The following PHACTR3 variants were observed in gnomAD, a reference collection of about 807,000 sequenced individuals.
PHACTR3 encodes the protein phosphatase and actin regulator 3, also known as protein phosphatase 1, regulatory subunit 123.
PHACTR3 carries 16 observed loss-of-function variants against 66.8 expected under a neutral mutation model. The ratio of observed to expected loss-of-function variants is 0.24; its 90% CI spans 0.16 to 0.36. The LOEUF (loss-of-function observed/expected upper bound fraction) is 0.36. PHACTR3 is among the 10% of genes least tolerant of loss of function. The probability of loss-of-function intolerance (pLI) is 1.00; values close to 1 mark genes in which losing one functional copy is unlikely to be tolerated. For synonymous variants in PHACTR3, 323 were observed against 292.1 expected (o/e 1.11, Z -1.08); for missense variants, 647 against 719.9 (o/e 0.90, Z 1.16).
Position 59,836,130 on chromosome 20 carries a change from C to T in PHACTR3, c.1329-375C>T, listed in dbSNP as rs547983728. The T allele has an allele frequency of 8.3e-5, 14 of 169,078 alleles. No homozygotes were observed. The East Asian group carries it at 2.4e-3, about 29-fold the overall frequency. 10.5% of individuals were successfully genotyped at this position (169,078 alleles called of 1,614,324 possible). A position where few individuals can be genotyped will look rare whatever the true frequency, so the allele number is the denominator to read the frequency against. On this transcript the variant is annotated intron_variant, in intron 8 of 12. Transcript: ENST00000371015. Reference sequence around the variant, plus strand: ...CTGAAAACAGGTGGTGCTACCCACCCCTCCCTAAGCCAATGGGCAGGAAAA... The same window carrying T: ...CTGAAAACAGGTGGTGCTACCCACCTCTCCCTAAGCCAATGGGCAGGAAAA...
chr20:59,697,918 C>T (rs1039023374), intron 1 of PHACTR3, among the ~76,000 whole-genome samples: 4 of 152,176 alleles, frequency 2.6e-5, no homozygotes, highest in Non-Finnish European at 5.9e-5. Flanking sequence ...TCTTACAAGT[C>T]TCAGATATAA....
chr20:59,807,353 A>G (rs1005748785), intron 8 of PHACTR3, among the ~76,000 whole-genome samples: 2 of 152,230 alleles, frequency 1.3e-5, no homozygotes, highest in African/African-American at 4.8e-5. Flanking sequence ...GGTCAGAACC[A>G]TCAATCACTG....
intron 1 of PHACTR3, among the ~76,000 whole-genome samples, chr20:59,679,957 G>T (rs191820235): frequency 1.7e-3 from 253 of 152,198 alleles, no homozygotes; most frequent in Non-Finnish European, 2.9e-3. Flanking sequence ...TCAGGCACAC[G>T]CATCGCTTTA....
At chr20:59,590,988 AT>A (rs1243552024) in intron 1 of PHACTR3, among the ~76,000 whole-genome samples, 2 of 152,314 alleles carry the variant, frequency 1.3e-5, no homozygotes, top group Non-Finnish European at 2.9e-5. Flanking sequence ...ATTTATTTTA[AT>A]GTTAAATGAA....
At chr20:59,648,215 A>G (rs2035348631) in intron 1 of PHACTR3, among the ~76,000 whole-genome samples, 2 of 152,128 alleles carry the variant, frequency 1.3e-5, no homozygotes, top group African/African-American at 4.8e-5. Flanking sequence ...CGTCCCTCTC[A>G]CTGCCTGGTT....
At chr20:59,722,065 C>G (rs1203552677) in intron 1 of PHACTR3, among the ~76,000 whole-genome samples, 1 of 152,004 alleles carries the variant, frequency 6.6e-6, no homozygotes, top group Non-Finnish European at 1.5e-5. Flanking sequence ...CCCATATCTA[C>G]TAAAAAATAC....
intron 8 of PHACTR3, among the ~76,000 whole-genome samples, chr20:59,809,603 G>A (rs73307143): frequency 0.025 from 3,867 of 152,170 alleles, 157 homozygotes; most frequent in African/African-American, 0.087. Context: ...TCTGGGGCTT[G>A]TATTTTCAGT....
intron 7 of PHACTR3, among the ~76,000 whole-genome samples, chr20:59,800,922 G>A (rs1053176071): frequency 3.2e-5 from 4 of 125,292 alleles, no homozygotes; most frequent in African/African-American, 4.8e-5. Context: ...GCAGAACCCC[G>A]TGTACTCTAT....
intron 1 of PHACTR3, among the ~76,000 whole-genome samples, chr20:59,689,138 G>C (rs1479216186): frequency 6.6e-6 from 1 of 152,218 alleles, no homozygotes; most frequent in African/African-American, 2.4e-5. Context: ...TTTTCATGAT[G>C]CCGGGAGAGT....
intron 1 of PHACTR3, among the ~76,000 whole-genome samples, chr20:59,717,249 A>G (rs1356548876): frequency 6.6e-6 from 1 of 152,178 alleles, no homozygotes; most frequent in East Asian, 1.9e-4. Context: ...TAATAATGAA[A>G]ACAGCACTGG....
At chr20:59,724,534 G>T (rs1428001252) in intron 1 of PHACTR3, among the ~76,000 whole-genome samples, 1 of 152,074 alleles carries the variant, frequency 6.6e-6, no homozygotes, top group Non-Finnish European at 1.5e-5. Context: ...TAATACTCTG[G>T]TCTGGGCACC....
chr20:59,765,312 G>T (rs2040146263), intron 4 of PHACTR3, among the ~76,000 whole-genome samples: 1 of 152,118 alleles, frequency 6.6e-6, no homozygotes, highest in Non-Finnish European at 1.5e-5. Flanking sequence ...AATGTAACAA[G>T]AAAAATAAAA....
At chr20:59,770,496 C>A (rs1436753259) in intron 5 of PHACTR3, among the ~76,000 whole-genome samples, 1 of 152,180 alleles carries the variant, frequency 6.6e-6, no homozygotes, top group Non-Finnish European at 1.5e-5. Flanking sequence ...GGCAGGACTG[C>A]AGGTGTCTTA....
At chr20:59,602,000 A>G (rs553957620), upstream of PHACTR3, among the ~76,000 whole-genome samples, 1 of 152,322 alleles carries the variant, frequency 6.6e-6, no homozygotes, top group East Asian at 1.9e-4. Flanking sequence ...TGAAGGGACT[A>G]GGGATAATTT....
rs1404875755 is a variant in PHACTR3 at position 59,736,530 on chromosome 20, G to A, written c.119-6577G>A. ...ACACTGGCTCCGCAGGTGCTCACCC[G>A]CCCACCCGTGTAGGTGCACACCCAC... On this transcript the variant is annotated intron_variant, in intron 1 of 12. Coordinates refer to ENST00000371015, the MANE Select transcript of PHACTR3 (RefSeq NM_080672.5). The surrounding 1 kb of genome is among the most constrained non-coding windows in gnomAD (Gnocchi z 4.6). Among the ~76,000 whole-genome samples, 5 of 109,232 alleles carry A rather than the reference G, an allele frequency of 4.6e-5. No homozygotes were observed. Among genetic ancestry groups the A allele is most frequent in the African/African-American group, 1.4e-4 (4 of 28,434 alleles). The allele number at this position is 109,232 out of a possible 152,430, so 71.7% of individuals were successfully genotyped here.
At chr20:59,795,804 A>G (rs1029999783) in intron 7 of PHACTR3, among the ~76,000 whole-genome samples, 2 of 152,036 alleles carry the variant, frequency 1.3e-5, no homozygotes, top group Non-Finnish European at 2.9e-5. Flanking sequence ...TTTGGGTTTC[A>G]ATTTGCATGG....
chr20:59,667,978 T>G (rs979722488), intron 1 of PHACTR3, among the ~76,000 whole-genome samples: 2 of 152,212 alleles, frequency 1.3e-5, no homozygotes, highest in African/African-American at 4.8e-5. Flanking sequence ...GAACCACAGT[T>G]GCTTTTGTTA....
chr20:59,779,651 G>A (rs780445966), intron 7 of PHACTR3, among the ~76,000 whole-genome samples: 101 of 152,236 alleles, frequency 6.6e-4, no homozygotes, highest in African/African-American at 2.2e-3. Context: ...TTTGGCAGAC[G>A]TTGTCTTATC....
At chr20:59,611,219 T>C (rs1346784826) in intron 1 of PHACTR3, among the ~76,000 whole-genome samples, 1 of 152,228 alleles carries the variant, frequency 6.6e-6, no homozygotes, top group Admixed American at 6.5e-5. Context: ...TGAGTGAGGA[T>C]AACTGAGCTG....
Sources: gnomAD v4.1 joint callset for allele counts (sites outside exome capture counted in the v4.1 genomes callset) on GRCh38, gnomAD v4.1.1 for gene constraint, Gnocchi (gnomAD v3.1) non-coding constraint, MANE v1.5 for transcripts, NCBI Gene and HGNC (gene_info 2026-07-23, HGNC 2026-07-21) for gene names.